The following APBB1IP variants were observed in gnomAD, a reference collection of about 807,000 sequenced individuals.
APBB1IP encodes amyloid beta A4 precursor protein-binding family B member 1-interacting protein.
In APBB1IP, 27 loss-of-function variants were observed where a neutral mutation model predicts 64.9. That is an observed-to-expected ratio of 0.42 (90% CI 0.31 to 0.57). APBB1IP has a LOEUF of 0.57. Ranked by LOEUF, APBB1IP falls within the 20% of genes least tolerant of loss-of-function variation. The pLI is 0.20. For missense variants in APBB1IP, 812 were observed against 845.5 expected (o/e 0.96, Z 0.49); for synonymous variants, 392 against 331.0 (o/e 1.18, Z -2.00).
Position 26,567,705 on chromosome 10 carries a change from A to G in APBB1IP, c.*217A>G. ...TTCCCATGTATTTTAACCTAAATGG[A>G]ATGTATCTTCCCTTCCAAGCTGCCT... On this transcript the variant is annotated 3_prime_UTR_variant, in exon 15 of 15. Transcript: ENST00000376236. 1 of 1,163,480 alleles carries G rather than the reference A, an allele frequency of 8.6e-7. No homozygotes were observed. Among genetic ancestry groups the G allele is most frequent in the Non-Finnish European group, 1.1e-6 (1 of 898,456 alleles). The allele number at this position is 1,163,480 out of a possible 1,614,324, so 72.1% of individuals were successfully genotyped here.
chr10:26,506,255 G>GC (rs1182607824), intron 6 of APBB1IP, among the ~76,000 whole-genome samples: 3 of 143,172 alleles, frequency 2.1e-5, no homozygotes, highest in Admixed American at 6.9e-5. Flanking sequence ...GTGTGTGGGG[G>GC]GGGGGGGTGG....
intron 9 of APBB1IP, 30 bp downstream of exon 9, chr10:26,533,555 A>G (rs753259224): frequency 4.9e-6 from 7 of 1,442,630 alleles, no homozygotes; most frequent in African/African-American, 1.4e-5. Context: ...GTGGAAGAAA[A>G]GAGAAGGACG....
At chr10:26,482,182 A>G (rs1835843040) in intron 2 of APBB1IP, among the ~76,000 whole-genome samples, 1 of 152,074 alleles carries the variant, frequency 6.6e-6, no homozygotes, top group Non-Finnish European at 1.5e-5. Flanking sequence ...TAAGATTTTC[A>G]CCGATCTCAG....
At chr10:26,484,430 G>A (rs1216069809) in intron 2 of APBB1IP, among the ~76,000 whole-genome samples, 1 of 152,178 alleles carries the variant, frequency 6.6e-6, no homozygotes. Flanking sequence ...AGACTCCCAA[G>A]TAGCTGGGAT....
At chr10:26,506,311 A>G (rs1439910192) in intron 6 of APBB1IP, among the ~76,000 whole-genome samples, 2 of 151,212 alleles carry the variant, frequency 1.3e-5, no homozygotes, top group East Asian at 3.9e-4. Flanking sequence ...GCAGTGGTAC[A>G]ATCACAGCTC....
chr10:26,448,744 CCT>C (rs1289828156), intron 2 of APBB1IP, among the ~76,000 whole-genome samples: 4 of 152,106 alleles, frequency 2.6e-5, no homozygotes, highest in African/African-American at 9.7e-5. Flanking sequence ...TCCTTTTTAT[CCT>C]CTTTCTCCCC....
At chr10:26,451,816 G>T (rs1835468391) in intron 2 of APBB1IP, among the ~76,000 whole-genome samples, 1 of 152,176 alleles carries the variant, frequency 6.6e-6, no homozygotes, top group East Asian at 1.9e-4. Context: ...AGGAATGAAG[G>T]CAATCTTCAG....
In APBB1IP at chr10:26,537,381, C is replaced by T. The variant is rs867448337; in HGVS notation, c.1044+1164C>T. Among the ~76,000 whole-genome samples the T allele has an allele frequency of 7.2e-5, 11 of 152,166 alleles. No homozygotes were observed. In the Middle Eastern group the frequency reaches 0.01, roughly 141 times the overall value. On this transcript the variant is annotated intron_variant, in intron 10 of 14. Transcript: ENST00000376236. ...CCAGTAAGGAGACTCTTGTCTCTATCGGAAGACAGGAGGGGCATTATGGCT... is the reference window on the plus strand; with the variant it reads ...CCAGTAAGGAGACTCTTGTCTCTATTGGAAGACAGGAGGGGCATTATGGCT...
At chr10:26,515,962 G>A (rs891716248) in intron 8 of APBB1IP, among the ~76,000 whole-genome samples, 3 of 151,974 alleles carry the variant, frequency 2.0e-5, no homozygotes, top group African/African-American at 7.3e-5. Flanking sequence ...ATCTACATGG[G>A]GATCTTCACA....
At chr10:26,464,845 A>G (rs1835630747) in intron 2 of APBB1IP, among the ~76,000 whole-genome samples, 1 of 152,208 alleles carries the variant, frequency 6.6e-6, no homozygotes, top group Admixed American at 6.5e-5. Context: ...TACCACATTC[A>G]CACCTAATAA....
At chr10:26,551,386 C>A (rs1836828750) in intron 11 of APBB1IP, among the ~76,000 whole-genome samples, 1 of 152,180 alleles carries the variant, frequency 6.6e-6, no homozygotes, top group South Asian at 2.1e-4. Context: ...GCAACATAGT[C>A]AGGGGAAACC....
intron 11 of APBB1IP, among the ~76,000 whole-genome samples, chr10:26,553,651 C>T (rs1007374219): frequency 2.0e-5 from 3 of 152,134 alleles, no homozygotes. Flanking sequence ...GAGGCAGACC[C>T]TTTCTCTACG....
chr10:26,541,442 G>A, intron 10 of APBB1IP, 140 bp from the exon 11 acceptor site: 1 of 659,552 alleles, frequency 1.5e-6, no homozygotes, highest in Non-Finnish European at 2.6e-6. Flanking sequence ...ACCTATACAT[G>A]GCAGATGTTT....
intron 2 of APBB1IP, among the ~76,000 whole-genome samples, chr10:26,488,743 A>G (rs967973425): frequency 6.6e-6 from 1 of 152,198 alleles, no homozygotes; most frequent in Non-Finnish European, 1.5e-5. Flanking sequence ...ATCTTCCATC[A>G]TCCGTCACTG....
Position 26,511,907 on chromosome 10 carries a change from G to A in APBB1IP, c.691+1G>A. ...GAAATCTACCCGGAACTACAAATTG[G>A]TAAGTCCCATCCCCAGCAATGGGCT... is the stretch of plus-strand genomic sequence containing the variant. On this transcript the variant is annotated splice_donor_variant, in intron 7 of 14. Transcript: ENST00000376236. LOFTEE classifies it high-confidence loss of function. The A allele has an allele frequency of 6.2e-7, 1 of 1,614,148 alleles. No individual in the cohort carries two copies. Among genetic ancestry groups the A allele is most frequent in the Non-Finnish European group, 8.5e-7 (1 of 1,180,006 alleles).
Position 26,562,399 on chromosome 10 carries a change from A to G in APBB1IP, c.1443A>G (p.Gln481=), listed in dbSNP as rs1836985150. ...CACATTCTGTCAGTGCTGTTCTCCA[A>G]GAGGCCCAGAGACATGCTGAAACAT... ...QATHSVSAVL[Q]EAQRHAETSK... Residue 481 remains glutamine, a synonymous_variant, in exon 14 of 15, where the codon CAA becomes CAG. Transcript: ENST00000376236. 6.8e-6 allele frequency: 11 copies of G among 1,613,982 alleles called. No individual in the cohort carries two copies. Among genetic ancestry groups the G allele is most frequent in the African/African-American group, 1.3e-5 (1 of 75,040 alleles).
chr10:26,555,652 C>G (rs1836886289), intron 11 of APBB1IP, among the ~76,000 whole-genome samples: 1 of 152,132 alleles, frequency 6.6e-6, no homozygotes, highest in South Asian at 2.1e-4. Flanking sequence ...CAGTCTGGAG[C>G]ACAGTGGCAC....
At chr10:26,452,143 T>C (rs1485477379) in intron 2 of APBB1IP, among the ~76,000 whole-genome samples, 1 of 105,520 alleles carries the variant, frequency 9.5e-6, no homozygotes, top group African/African-American at 3.1e-5. Flanking sequence ...ATCAAACATA[T>C]TCTTAGACAA....
chr10:26,533,754 T>C (rs1188364457), intron 9 of APBB1IP, among the ~76,000 whole-genome samples: 1 of 152,246 alleles, frequency 6.6e-6, no homozygotes, highest in Non-Finnish European at 1.5e-5. Flanking sequence ...GCTGGATTTG[T>C]AATTCTTGAC....
Sources: gnomAD v4.1 joint callset for allele counts (sites outside exome capture counted in the v4.1 genomes callset) on GRCh38, gnomAD v4.1.1 for gene constraint, MANE v1.5 for transcripts, NCBI Gene and HGNC (gene_info 2026-07-23, HGNC 2026-07-21) for gene names.